The following PDE2A variants were observed in gnomAD, a reference collection of about 807,000 sequenced individuals.
PDE2A encodes the protein cGMP-dependent 3',5'-cyclic phosphodiesterase.
Under a neutral mutation model 133.6 loss-of-function variants are expected in PDE2A, and 53 were observed. The ratio of observed to expected loss-of-function variants is 0.40; its 90% CI spans 0.32 to 0.50. The LOEUF (loss-of-function observed/expected upper bound fraction) is 0.50. Ranked by LOEUF, PDE2A falls within the 20% of genes least tolerant of loss-of-function variation. PDE2A has a pLI of 0.73. For synonymous variants in PDE2A, 491 were observed against 490.2 expected (o/e 1.00, Z -0.02); for missense variants, 796 against 1,232.4 (o/e 0.65, Z 5.30).
In PDE2A at chr11:72,605,147, C is replaced by A. The variant is rs776707554; in HGVS notation, c.314G>T (p.Gly105Val). Reference sequence around the variant, plus strand: ...GCAGAGAATGGCTCACCGGACTTTCCCCTCCTGGGGCAGCTCATGTGGGGG... The same window carrying A: ...GCAGAGAATGGCTCACCGGACTTTCACCTCCTGGGGCAGCTCATGTGGGGG... ...EDPPHELPQE[G>V]KVREAIISQK... The change falls in exon 4 of 31, where the codon GGG becomes GTG. Residue 105 changes from glycine to valine, a missense_variant. Gly to Val is a moderately radical substitution (Grantham distance 109, BLOSUM62 -3). Transcript: ENST00000334456. The A allele has an allele frequency of 6.2e-7, 1 of 1,606,966 alleles. No homozygotes were observed. Among genetic ancestry groups the A allele is most frequent in the South Asian group, 1.1e-5 (1 of 89,732 alleles).
chr11:72,621,481 C>A (rs1591085193), intron 2 of PDE2A, among the ~76,000 whole-genome samples: 1 of 152,238 alleles, frequency 6.6e-6, no homozygotes, highest in East Asian at 1.9e-4. Context: ...AGACATGACA[C>A]CTGTGGCCTT....
rs1490297378 is a variant in PDE2A at position 72,578,898 on chromosome 11, G to A, written c.2468C>T (p.Ala823Val). 6 of 1,602,126 alleles carry A rather than the reference G, an allele frequency of 3.7e-6. No homozygotes were observed. The highest frequency in any genetic ancestry group is 5.1e-6 in the Non-Finnish European group (6 of 1,169,176). The change falls in exon 28 of 31, where the codon GCG becomes GTG. Residue 823 changes from alanine (A) to valine (V), a missense_variant and splice_region_variant. Physicochemically the swap from Ala to Val is moderately conservative, Grantham distance 64 (BLOSUM62 0). Coordinates refer to ENST00000334456, the MANE Select transcript of PDE2A (RefSeq NM_002599.5). The surrounding 1 kb of genome is among the most constrained non-coding windows in gnomAD (Gnocchi z 4.2). Reference sequence around the variant, plus strand: ...CTTCCCAGGGAGGACTACACCTACCGCGATCTTTCTCGTAGTCTTCCAGCC... The same window carrying A: ...CTTCCCAGGGAGGACTACACCTACCACGATCTTTCTCGTAGTCTTCCAGCC... ...TKGWKTTRKI[A>V]ELIYKEFFSQ...
intron 2 of PDE2A, among the ~76,000 whole-genome samples, chr11:72,626,303 G>A (rs375260310): frequency 4.6e-5 from 7 of 152,198 alleles, no homozygotes; most frequent in East Asian, 3.8e-4. Context: ...AGCTGAGACC[G>A]CCTCCCTGGT....
chr11:72,657,040 C>A (rs996576414), intron 1 of PDE2A, among the ~76,000 whole-genome samples: 2 of 152,144 alleles, frequency 1.3e-5, no homozygotes, highest in Non-Finnish European at 2.9e-5. Context: ...TCTGTCGCTC[C>A]CCCATCCCAC....
chr11:72,591,231 G>C (rs11235544), intron 7 of PDE2A, 66 bp downstream of exon 7: 29,623 of 1,351,914 alleles, frequency 0.022, 1,064 homozygotes, highest in African/African-American at 0.16. Flanking sequence ...CCCTGGCCAG[G>C]CCATCTTCCC....
At position 72,622,065 on chromosome 11, in the gene PDE2A, T is replaced by C. The variant is rs1457336806; in HGVS notation, c.145-13314A>G. Among the ~76,000 whole-genome samples the C allele has an allele frequency of 3.3e-5, 5 of 152,214 alleles. No homozygotes were observed. In the East Asian group the frequency reaches 9.6e-4, roughly 29 times the overall value. ...TGAATCAACATTTTCCCAAAGAAGA[T>C]ATACAAGTGGCCAACCAGCACATGA... On this transcript the variant is annotated intron_variant, in intron 2 of 30. Transcript: ENST00000334456.
rs867085745 is a variant in PDE2A, at chr11:72,613,090, G to C, written c.145-4339C>G. 2.0e-5 allele frequency among the ~76,000 whole-genome samples: 3 copies of C among 152,146 alleles called. No homozygotes were observed. The South Asian group carries it at 6.2e-4, about 32-fold the overall frequency. ...ACCAACGCCCTTCCTGAGGGTTGGG[G>C]TCGCTGCCATAAGATCTTTCCTGTT... On this transcript the variant is annotated intron_variant, in intron 2 of 30. Coordinates refer to ENST00000334456, the MANE Select transcript of PDE2A (RefSeq NM_002599.5).
intron 20 of PDE2A, among the ~76,000 whole-genome samples, chr11:72,582,999 G>A (rs528298122): frequency 4.6e-5 from 7 of 152,300 alleles, no homozygotes; most frequent in African/African-American, 1.7e-4. Context: ...AATGAACAGC[G>A]ACTACCATAT....
intron 4 of PDE2A, among the ~76,000 whole-genome samples, chr11:72,601,019 G>A (rs963452184): frequency 4.6e-5 from 7 of 150,762 alleles, no homozygotes; most frequent in East Asian, 2.0e-4. Context: ...TGTCCTTCTC[G>A]CGTTCTCTAC....
At chr11:72,637,177 C>T (rs1858737384) in intron 2 of PDE2A, among the ~76,000 whole-genome samples, 1 of 152,242 alleles carries the variant, frequency 6.6e-6, no homozygotes, top group Admixed American at 6.5e-5. Context: ...CCCTCCCTCC[C>T]ACTCTGGGCT....
intron 2 of PDE2A, chr11:72,615,041 T>C: frequency 6.9e-6 from 3 of 432,070 alleles, no homozygotes; most frequent in Non-Finnish European, 4.8e-6. Flanking sequence ...CTGCCCACCC[T>C]TCGCAGACTC....
At chr11:72,593,039 A>C (rs1486844181) in intron 6 of PDE2A, among the ~76,000 whole-genome samples, 4 of 151,980 alleles carry the variant, frequency 2.6e-5, no homozygotes, top group Non-Finnish European at 4.4e-5. Flanking sequence ...GGACCCCTCT[A>C]AGGCTGTGGG....
intron 1 of PDE2A, among the ~76,000 whole-genome samples, chr11:72,665,673 A>G (rs1439889910): frequency 6.6e-6 from 1 of 152,066 alleles, no homozygotes; most frequent in Non-Finnish European, 1.5e-5. Context: ...CCTTGTATAC[A>G]GCCTTGCTAA....
intron 1 of PDE2A, among the ~76,000 whole-genome samples, chr11:72,650,914 CACACACACACACAT>C (rs1854721562): frequency 6.7e-6 from 1 of 149,534 alleles, no homozygotes; most frequent in Admixed American, 6.7e-5. Context: ...CACACACACA[CACACACACACACAT>C]ACACAAAGGC....
intron 2 of PDE2A, among the ~76,000 whole-genome samples, chr11:72,625,571 A>AGGAG (rs1331315218): frequency 6.6e-6 from 1 of 152,184 alleles, no homozygotes; most frequent in East Asian, 1.9e-4. Flanking sequence ...AGGCAGCCTG[A>AGGAG]GGAGGGGACA....
chr11:72,601,019 G>C (rs963452184), intron 4 of PDE2A, among the ~76,000 whole-genome samples: 1 of 150,762 alleles, frequency 6.6e-6, no homozygotes, highest in East Asian at 2.0e-4. Flanking sequence ...TGTCCTTCTC[G>C]CGTTCTCTAC....
intron 1 of PDE2A, among the ~76,000 whole-genome samples, chr11:72,667,639 G>A (rs1855273834): frequency 6.6e-6 from 1 of 152,136 alleles, no homozygotes; most frequent in Non-Finnish European, 1.5e-5. Flanking sequence ...CCCTTCTGGA[G>A]ACATGTGATA....
Position 72,642,278 on chromosome 11 carries a change from C to A in PDE2A, c.120G>T (p.Pro40=). 1 of 1,440,434 alleles carries A rather than the reference C, an allele frequency of 6.9e-7. No individual in the cohort carries two copies. The highest frequency in any genetic ancestry group is 9.2e-7 in the Non-Finnish European group (1 of 1,089,610). The allele number at this position is 1,440,434 out of a possible 1,614,324, so 89.2% of individuals were successfully genotyped here. The part of the protein sequence containing the change: ...FLKPDEPPPP[P]QPCADSLQDA... ...CCTGCAGGCTGTCGGCGCATGGCTGCGGCGGCGGCGGCGGCTCGTCCGGCT... is the reference window on the plus strand; with the variant it reads ...CCTGCAGGCTGTCGGCGCATGGCTGAGGCGGCGGCGGCGGCTCGTCCGGCT... Residue 40 remains proline (P), a synonymous_variant, in exon 2 of 31, where the codon CCG becomes CCT. Coordinates refer to ENST00000334456, the MANE Select transcript of PDE2A (RefSeq NM_002599.5).
chr11:72,630,071 G>T (rs138020447), intron 2 of PDE2A, among the ~76,000 whole-genome samples: 23 of 152,220 alleles, frequency 1.5e-4, no homozygotes, highest in Non-Finnish European at 2.2e-4. Flanking sequence ...GCTCGTCAAG[G>T]CCCCTTTGAG....
Sources: gnomAD v4.1 joint callset for allele counts (sites outside exome capture counted in the v4.1 genomes callset) on GRCh38, gnomAD v4.1.1 for gene constraint, Gnocchi (gnomAD v3.1) non-coding constraint, MANE v1.5 for transcripts, NCBI Gene and HGNC (gene_info 2026-07-23, HGNC 2026-07-21) for gene names.